ADCY1: variants seen among roughly 807,000 people sequenced by gnomAD.
The protein encoded by ADCY1 is adenylate cyclase 1.
ADCY1 carries 28 observed loss-of-function variants against 105.4 expected under a neutral mutation model. That is an observed-to-expected ratio of 0.27 (90% CI 0.20 to 0.36). The LOEUF (loss-of-function observed/expected upper bound fraction) is 0.36. Ranked by LOEUF, ADCY1 falls within the 10% of genes least tolerant of loss-of-function variation. ADCY1 has a pLI of 1.00. For missense variants in ADCY1, 977 were observed against 1,434.2 expected, an observed-to-expected ratio of 0.68 and a Z score of 5.15; for synonymous variants, 655 against 623.8, an observed-to-expected ratio of 1.05 and a Z score of -0.75.
At chr7:45,692,663 A>T (rs553805776) in intron 14 of ADCY1, among the ~76,000 whole-genome samples, 12 of 152,314 alleles carry the variant, frequency 7.9e-5, no homozygotes, top group Admixed American at 5.9e-4. Flanking sequence ...ATTTGGTAAG[A>T]TAGCAGATTT....
intron 2 of ADCY1, among the ~76,000 whole-genome samples, chr7:45,609,244 C>T (rs1346200853): frequency 6.6e-6 from 1 of 152,202 alleles, no homozygotes; most frequent in Non-Finnish European, 1.5e-5. Context: ...CCGAGAAAGT[C>T]ACACAGGATG....
At chr7:45,656,987 A>C (rs574229402) in intron 5 of ADCY1, among the ~76,000 whole-genome samples, 1 of 152,244 alleles carries the variant, frequency 6.6e-6, no homozygotes, top group African/African-American at 2.4e-5. Flanking sequence ...AGGCATAGAG[A>C]TGGGCATCGT....
intron 17 of ADCY1, among the ~76,000 whole-genome samples, chr7:45,707,071 T>C (rs1785136360): frequency 6.6e-6 from 1 of 152,234 alleles, no homozygotes; most frequent in Non-Finnish European, 1.5e-5. Flanking sequence ...CCGGTGAGGA[T>C]GTGGAGCAAC....
intron 1 of ADCY1, among the ~76,000 whole-genome samples, chr7:45,582,340 C>T (rs1792576498): frequency 6.6e-6 from 1 of 152,136 alleles, no homozygotes; most frequent in Admixed American, 6.5e-5. Context: ...GCTCCGTGAC[C>T]TTGGCAATCT....
intron 11 of ADCY1, chr7:45,680,319 G>A (rs1431015289): frequency 5.4e-6 from 1 of 186,648 alleles, no homozygotes. Flanking sequence ...GTGCTATCTG[G>A]GCCCTGATGC....
At chr7:45,678,094 T>TGCTGCTTGCGAAGGC in intron 9 of ADCY1, 31 bp downstream of exon 9, 1 of 1,613,872 alleles carries the variant, frequency 6.2e-7, no homozygotes, top group Non-Finnish European at 8.5e-7. Flanking sequence ...GCTTCCCTGG[T>TGCTGCTTGCGAAGGC]GCTGCTTGCG....
At chr7:45,659,759 TTCTC>T (rs201006324) in intron 6 of ADCY1, among the ~76,000 whole-genome samples, 1 of 148,390 alleles carries the variant, frequency 6.7e-6, no homozygotes, top group African/African-American at 2.5e-5. Context: ...GATGTATTCT[TTCTC>T]TCTCTCTCTT....
At chr7:45,706,407 G>C (rs763187400) in intron 17 of ADCY1, among the ~76,000 whole-genome samples, 5 of 138,116 alleles carry the variant, frequency 3.6e-5, no homozygotes, top group Non-Finnish European at 6.1e-5. Context: ...TAGTCAACTG[G>C]TTTTTGGCAA....
rs79980779 is a variant in ADCY1 at position 45,619,710 on chromosome 7, G to T, written c.909-2922G>T. Among the ~76,000 whole-genome samples the T allele has an allele frequency of 5.0e-4, 76 of 152,272 alleles. No homozygotes were observed. The East Asian group carries it at 0.013, about 26-fold the overall frequency. ...ATTCATAGCAGCAAAGTAGAATGGT[G>T]GTTGCTAGGGAAAGGAGGCAGAGGA... is the stretch of plus-strand genomic sequence containing the variant. On this transcript the variant is annotated intron_variant, in intron 3 of 19. Coordinates refer to ENST00000297323, the MANE Select transcript of ADCY1 (RefSeq NM_021116.4).
intron 4 of ADCY1, among the ~76,000 whole-genome samples, chr7:45,643,691 A>G (rs1794584493): frequency 6.6e-6 from 1 of 152,180 alleles, no homozygotes; most frequent in African/African-American, 2.4e-5. Flanking sequence ...TTCCACAGTA[A>G]AAAACCGAAG....
In ADCY1 at chr7:45,714,369, C is replaced by G. The variant is rs1163600418; in HGVS notation, c.*374C>G. 4.6e-6 allele frequency: 1 copy of G among 219,410 alleles called. No individual in the cohort carries two copies. The highest frequency in any genetic ancestry group is 9.0e-6 in the Non-Finnish European group (1 of 111,026). The allele number at this position is 219,410 out of a possible 1,614,324, so 13.6% of individuals were successfully genotyped here. A position where few individuals can be genotyped will look rare whatever the true frequency, so the allele number is the denominator to read the frequency against. On this transcript the variant is annotated 3_prime_UTR_variant, in exon 20 of 20. Transcript: ENST00000297323. ...AGCATCCCAGGGTTACAGCAAGAGC[C>G]ACTGAGGTGTGGCTGGCAGAGCAAC...
intron 3 of ADCY1, among the ~76,000 whole-genome samples, chr7:45,620,448 A>T (rs1342231535): frequency 6.6e-6 from 1 of 152,236 alleles, no homozygotes; most frequent in African/African-American, 2.4e-5. Context: ...GACACCATCA[A>T]ACTTATCAGT....
chr7:45,627,148 AC>A (rs1254242235), intron 4 of ADCY1, among the ~76,000 whole-genome samples: 1 of 152,222 alleles, frequency 6.6e-6, no homozygotes, highest in Non-Finnish European at 1.5e-5. Flanking sequence ...CCTGGCCAGC[AC>A]ATGATGTCAT....
rs1020041452 is a variant in ADCY1 at position 45,620,473 on chromosome 7, A to C, written c.909-2159A>C. 2.6e-5 allele frequency among the ~76,000 whole-genome samples: 4 copies of C among 152,316 alleles called. No individual in the cohort carries two copies. In the East Asian group the frequency reaches 7.7e-4, roughly 29 times the overall value. ...AACTTATCAGTACACACATATTGAG[A>C]GTCCCACAGGAGAGGAGAAAGAAAA... On this transcript the variant is annotated intron_variant, in intron 3 of 19. Transcript: ENST00000297323.
intron 1 of ADCY1, among the ~76,000 whole-genome samples, chr7:45,586,556 A>G (rs1280257824): frequency 6.6e-6 from 1 of 152,206 alleles, no homozygotes; most frequent in Admixed American, 6.5e-5. Flanking sequence ...TAATTCTAAA[A>G]CGCTTTTATT....
intron 8 of ADCY1, among the ~76,000 whole-genome samples, chr7:45,675,769 C>T (rs1784445947): frequency 6.6e-6 from 1 of 152,028 alleles, no homozygotes; most frequent in Non-Finnish European, 1.5e-5. Flanking sequence ...TATTAGTTTT[C>T]TCATGCTGCT....
chr7:45,721,728 CAGG>C lies in ADCY1; in HGVS notation c.*7736_*7738del. The C allele has an allele frequency of 2.5e-6, 1 of 398,660 alleles. No homozygotes were observed. The highest frequency in any genetic ancestry group is 3.6e-5 in the East Asian group (1 of 28,080). The allele number at this position is 398,660 out of a possible 1,614,324, so 24.7% of individuals were successfully genotyped here. On this transcript the variant is annotated 3_prime_UTR_variant, in exon 20 of 20. Transcript: ENST00000297323. Reference sequence around the variant, plus strand: ...AGGATGTTCAAAGGGCCGATTTCAGCAGGAGTTCAGAGGGCTTATGATGGATGG... The same window carrying C: ...AGGATGTTCAAAGGGCCGATTTCAGCAGTTCAGAGGGCTTATGATGGATGG...
chr7:45,666,575 C>T (rs1307566446), intron 8 of ADCY1, among the ~76,000 whole-genome samples: 1 of 152,170 alleles, frequency 6.6e-6, no homozygotes, highest in African/African-American at 2.4e-5. Flanking sequence ...GTGAATAGTG[C>T]CGCAATAAAC....
In ADCY1 at chr7:45,703,392, A is replaced by G. The variant is rs545983943; in HGVS notation, c.2471A>G (p.Glu824Gly). Residue 824 changes from glutamate (E) to glycine (G), a missense_variant, in exon 15 of 20, where the codon GAG becomes GGG. Physicochemically the swap from Glu to Gly is moderately conservative, Grantham distance 98. Around this residue, in one of 7 missense-constraint regions of ADCY1, gnomAD observed 152 missense variants for 293.7 expected, o/e 0.52. Transcript: ENST00000297323. This position sits in a 1 kb window ranked among gnomAD's most constrained non-coding sequence, Gnocchi z 5.9. Reference protein sequence around the residue: ...LWAAQAEEEREDMEKVKLDNR... With the variant: ...LWAAQAEEERGDMEKVKLDNR... ...ATACCCCAGGCAGAGGAGGAGCGAG[A>G]GGACATGGAGAAGGTGAAGCTGGAC... 11 of 1,614,042 alleles carry G rather than the reference A, an allele frequency of 6.8e-6. No homozygotes were observed. The East Asian group carries it at 1.8e-4, about 26-fold the overall frequency.
Sources: allele counts gnomAD v4.1 joint callset (sites outside exome capture counted in the v4.1 genomes callset), GRCh38; gene constraint gnomAD v4.1.1; regional missense constraint gnomAD v4.1.1; non-coding constraint Gnocchi (gnomAD v3.1); transcripts MANE v1.5; gene names NCBI Gene and HGNC (gene_info 2026-07-23, HGNC 2026-07-21).